NOX5: variants seen among roughly 807,000 people sequenced by gnomAD.
NOX5 encodes the protein NADPH oxidase 5.
In NOX5, 76 loss-of-function variants were observed where a neutral mutation model predicts 85.7. That is an observed-to-expected ratio of 0.89 (90% confidence interval 0.74 to 1.07). The LOEUF (loss-of-function observed/expected upper bound fraction) is 1.07. Ranked by LOEUF, NOX5 falls within the 50% of genes least tolerant of loss-of-function variation. The probability of loss-of-function intolerance (pLI) is 0.00; values close to 1 mark genes in which losing one functional copy is unlikely to be tolerated. For missense variants in NOX5, 973 were observed against 999.5 expected (o/e 0.97, Z 0.36); for synonymous variants, 405 against 401.4 (o/e 1.01, Z -0.11).
At position 69,033,017 on chromosome 15, in the gene NOX5, C is replaced by G. The variant is rs926910912; in HGVS notation, c.621-26C>G. 21 of 1,535,366 alleles carry G rather than the reference C, an allele frequency of 1.4e-5. No homozygotes were observed. In the Admixed American group the frequency reaches 4.1e-4, roughly 30 times the overall value. On this transcript the variant is annotated intron_variant, in intron 4 of 15. Coordinates refer to ENST00000388866, the MANE Select transcript of NOX5 (RefSeq NM_024505.4). ...GTGGTCCCCGCCCCACCGCTCGCCT[C>G]TGAGCGGAACCCGCCTCTCTCGCAG...
intron 10 of NOX5, among the ~76,000 whole-genome samples, chr15:69,044,462 TCA>T (rs2050637507): frequency 6.6e-6 from 1 of 152,204 alleles, no homozygotes. Context: ...AAGTGCTATT[TCA>T]GAGAGGGTGG....
In NOX5 at chr15:69,033,219, G is replaced by T; in HGVS notation, c.797G>T (p.Ser266Ile). Reference sequence around the variant, plus strand: ...AGCGCGCACCGGGACCTCGGCGCCAGCGTCATGGTGGCCAAGGGCTGCGGC... The same window carrying T: ...AGCGCGCACCGGGACCTCGGCGCCATCGTCATGGTGGCCAAGGGCTGCGGC... Reference protein sequence around the residue: ...AASAHRDLGASVMVAKGCGQC... With the variant: ...AASAHRDLGAIVMVAKGCGQC... The change falls in exon 5 of 16, where the codon AGC (serine) becomes ATC (isoleucine). Residue 266 changes from serine to isoleucine, a missense_variant. Physicochemically the swap from Ser to Ile is moderately radical, Grantham distance 142. Transcript: ENST00000388866. The T allele has an allele frequency of 1.3e-6, 2 of 1,597,868 alleles. No individual in the cohort carries two copies. The highest frequency in any genetic ancestry group is 8.5e-7 in the Non-Finnish European group (1 of 1,179,136).
Position 69,033,023 on chromosome 15 carries a change from G to A in NOX5, c.621-20G>A. On this transcript the variant is annotated intron_variant, in intron 4 of 15. Coordinates refer to ENST00000388866, the MANE Select transcript of NOX5 (RefSeq NM_024505.4). ...CCCGCCCCACCGCTCGCCTCTGAGC[G>A]GAACCCGCCTCTCTCGCAGCGCTGC... 6.6e-7 allele frequency: 1 copy of A among 1,525,518 alleles called. No individual in the cohort carries two copies. The highest frequency in any genetic ancestry group is 8.7e-7 in the Non-Finnish European group (1 of 1,152,336). The allele number at this position is 1,525,518 out of a possible 1,614,324, so 94.5% of individuals were successfully genotyped here.
rs1282322885 is a variant in NOX5 at position 69,057,803 on chromosome 15, C to T, written c.*1107C>T. The T allele has an allele frequency of 6.6e-6, 1 of 152,316 alleles. No homozygotes were observed. The highest frequency in any genetic ancestry group is 2.4e-5 in the African/African-American group (1 of 41,464). 9.4% of individuals were successfully genotyped at this position (152,316 alleles called of 1,614,324 possible). On this transcript the variant is annotated 3_prime_UTR_variant, in exon 16 of 16. Transcript: ENST00000388866. ...AAGACATTCCACCTCAGTTCAGCTC[C>T]TTGCTGCTCCAGGCTTTCGTGCATC...
chr15:69,038,808 GT>G (rs1428996382), intron 8 of NOX5, 48 bp from the exon 9 acceptor site: 1 of 1,613,826 alleles, frequency 6.2e-7, no homozygotes, highest in East Asian at 2.2e-5. Flanking sequence ...GTAGCCCCTG[GT>G]GGCTTTGGGC....
chr15:69,039,563 GGTTCTTAA>G (rs1015728980), intron 9 of NOX5, among the ~76,000 whole-genome samples: 6 of 152,180 alleles, frequency 3.9e-5, no homozygotes, highest in African/African-American at 1.4e-4. Context: ...AGCCAGGAAT[GGTTCTTAA>G]GCAGAGGAGT....
chr15:69,046,743 G>T, intron 10 of NOX5, 79 bp from the exon 11 acceptor site: 1 of 1,404,592 alleles, frequency 7.1e-7, no homozygotes, highest in Non-Finnish European at 9.9e-7. Context: ...TGCTCAGACT[G>T]GCAAGGGCAA....
intron 4 of NOX5, among the ~76,000 whole-genome samples, chr15:69,032,319 A>G (rs1475526637): frequency 6.6e-6 from 1 of 152,208 alleles, no homozygotes; most frequent in Non-Finnish European, 1.5e-5. Context: ...TGCTGTGGAG[A>G]AAATAAGAGT....
chr15:69,031,951 G>A, intron 4 of NOX5, 139 bp downstream of exon 4: 1 of 838,910 alleles, frequency 1.2e-6, no homozygotes, highest in Non-Finnish European at 1.8e-6. Context: ...CCACTCTTGA[G>A]TGTACTGCAG....
At chr15:69,037,745 A>G (rs1452738719) in intron 8 of NOX5, 1 of 153,250 alleles carries the variant, frequency 6.5e-6, no homozygotes, top group African/African-American at 2.4e-5. Flanking sequence ...ACAGCACAGT[A>G]AAGACACAGA....
At chr15:69,047,977 C>A in intron 13 of NOX5, 66 bp downstream of exon 13, 1 of 1,410,972 alleles carries the variant, frequency 7.1e-7, no homozygotes, top group Non-Finnish European at 1.0e-6. Context: ...AAAATAGGAG[C>A]CCATCCTCCT....
chr15:69,045,582 T>TTCCC (rs1555437255), intron 10 of NOX5, among the ~76,000 whole-genome samples: 93 of 44,278 alleles, frequency 2.1e-3, no homozygotes, highest in East Asian at 4.9e-3. Context: ...CCTTTCTTTC[T>TTCCC]TTTCTTTCTT....
rs1223108253 is a variant in NOX5 at position 69,047,475 on chromosome 15, G to A, written c.1755G>A (p.Val585=). The A allele has an allele frequency of 1.1e-5, 18 of 1,613,910 alleles. No homozygotes were observed. The highest frequency in any genetic ancestry group is 3.3e-5 in the South Asian group (3 of 91,084). Reference sequence around the variant, plus strand: ...GGATCTTTGCCTCTGAGCATGCCGTGCTCATCGGGGCAGGCATCGGCATCA... The same window carrying A: ...GGATCTTTGCCTCTGAGCATGCCGTACTCATCGGGGCAGGCATCGGCATCA... ...TRRIFASEHA[V]LIGAGIGITP... The change falls in exon 12 of 16, where the codon GTG becomes GTA. Residue 585 remains valine (V), a synonymous_variant. Coordinates refer to ENST00000388866, the MANE Select transcript of NOX5 (RefSeq NM_024505.4).
intron 13 of NOX5, 91 bp downstream of exon 13, chr15:69,048,002 G>A: frequency 9.1e-7 from 1 of 1,103,962 alleles, no homozygotes; most frequent in South Asian, 1.3e-5. Flanking sequence ...AAAGGTGGGA[G>A]CGGATAGGTG....
intron 15 of NOX5, 120 bp from the exon 16 acceptor site, chr15:69,056,445 A>C: frequency 7.7e-7 from 1 of 1,305,522 alleles, no homozygotes; most frequent in Non-Finnish European, 1.1e-6. Flanking sequence ...TCCCTGTGTA[A>C]AATGGGAATG....
Position 69,031,829 on chromosome 15 carries a change from G to C in NOX5, c.620+17G>C, listed in dbSNP as rs778959256. Reference sequence around the variant, plus strand: ...GACCATCAGGTACGGCCGGGTCTCGGGCATTGGCACTGTCCACGGCGGCGT... The same window carrying C: ...GACCATCAGGTACGGCCGGGTCTCGCGCATTGGCACTGTCCACGGCGGCGT... On this transcript the variant is annotated intron_variant, in intron 4 of 15. Transcript: ENST00000388866. The C allele has an allele frequency of 2.5e-6, 4 of 1,586,748 alleles. No homozygotes were observed. The highest frequency in any genetic ancestry group is 2.6e-6 in the Non-Finnish European group (3 of 1,161,782).
At chr15:69,043,807 G>T (rs892639045) in intron 10 of NOX5, among the ~76,000 whole-genome samples, 5 of 152,058 alleles carry the variant, frequency 3.3e-5, no homozygotes, top group Non-Finnish European at 7.4e-5. Flanking sequence ...GCAACTTTCT[G>T]GCAGGCAGCC....
intron 1 of NOX5, 109 bp from the exon 2 acceptor site, chr15:69,026,419 G>A: frequency 7.2e-7 from 1 of 1,390,270 alleles, no homozygotes; most frequent in Non-Finnish European, 9.9e-7. Flanking sequence ...TTCAACTCAG[G>A]GAGGCTCAGG....
At chr15:69,015,636 G>A (rs1426753812) in intron 1 of NOX5, among the ~76,000 whole-genome samples, 2 of 152,314 alleles carry the variant, frequency 1.3e-5, no homozygotes, top group South Asian at 2.1e-4. Context: ...CAAGGTTGGC[G>A]AGTCAGAATG....
Sources: allele counts gnomAD v4.1 joint callset (sites outside exome capture counted in the v4.1 genomes callset), GRCh38; gene constraint gnomAD v4.1.1; transcripts MANE v1.5; gene names NCBI Gene and HGNC (gene_info 2026-07-23, HGNC 2026-07-21).